Variants in NME7 observed in about 807,000 individuals in gnomAD.
The protein encoded by NME7 is NME/NM23 family member 7, also known as nucleoside diphosphate kinase 7.
Under a neutral mutation model 49.1 loss-of-function variants are expected in NME7, and 41 were observed. The observed-to-expected ratio is 0.83, with a 90% CI of 0.65 to 1.08. The LOEUF (loss-of-function observed/expected upper bound fraction) is 1.08. Ranked by LOEUF, NME7 falls within the 50% of genes least tolerant of loss-of-function variation. NME7 has a pLI of 0.00. For synonymous variants in NME7, 139 were observed against 150.6 expected (o/e 0.92, Z 0.56); for missense variants, 423 against 463.4 (o/e 0.91, Z 0.80).
At chr1:169,244,586 A>C (rs943465832) in intron 7 of NME7, among the ~76,000 whole-genome samples, 10 of 148,190 alleles carry the variant, frequency 6.7e-5, no homozygotes. Flanking sequence ...CAGTGAGCCG[A>C]GATTGCACCA....
At chr1:169,235,691 T>A (rs1222776797) in intron 8 of NME7, among the ~76,000 whole-genome samples, 1 of 152,112 alleles carries the variant, frequency 6.6e-6, no homozygotes. Context: ...AGAAAAGTAG[T>A]TCAGACTTTT....
chr1:169,279,788 C>G (rs910361273), intron 7 of NME7, among the ~76,000 whole-genome samples: 1 of 152,226 alleles, frequency 6.6e-6, no homozygotes, highest in African/African-American at 2.4e-5. Flanking sequence ...GTCACTCACA[C>G]TGGGAGCTGT....
intron 3 of NME7, among the ~76,000 whole-genome samples, chr1:169,310,427 G>T (rs1019304370): frequency 6.6e-6 from 1 of 151,974 alleles, no homozygotes; most frequent in African/African-American, 2.4e-5. Context: ...CTAAAACATT[G>T]CATTAAATAT....
At chr1:169,312,748 G>C (rs1050282814) in intron 3 of NME7, among the ~76,000 whole-genome samples, 2 of 152,164 alleles carry the variant, frequency 1.3e-5, no homozygotes, top group South Asian at 2.1e-4. Flanking sequence ...AGACAGTATA[G>C]TGCTATTGCT....
intron 10 of NME7, among the ~76,000 whole-genome samples, chr1:169,172,510 C>A (rs1331178552): frequency 3.3e-5 from 5 of 152,152 alleles, no homozygotes. Context: ...ATCTTCATGA[C>A]ACTTCATCTT....
intron 7 of NME7, among the ~76,000 whole-genome samples, chr1:169,240,089 T>TC (rs1031113995): frequency 4.1e-4 from 63 of 152,104 alleles, no homozygotes; most frequent in African/African-American, 1.4e-3. Context: ...TATTCTCCTT[T>TC]ACTTGACAAG....
At chr1:169,259,885 A>T (rs1214186532) in intron 7 of NME7, among the ~76,000 whole-genome samples, 2 of 133,606 alleles carry the variant, frequency 1.5e-5, no homozygotes, top group African/African-American at 5.1e-5. Context: ...ATTTTTAAGC[A>T]CACTAGAGTC....
intron 11 of NME7, among the ~76,000 whole-genome samples, chr1:169,164,059 G>A (rs1659329363): frequency 6.7e-6 from 1 of 150,218 alleles, no homozygotes; most frequent in South Asian, 2.1e-4. Flanking sequence ...GCAGTGAGTC[G>A]AGACTGCACC....
In NME7 at chr1:169,238,590, C is replaced by T. The variant is rs74125219; in HGVS notation, c.755-903G>A. On this transcript the variant is annotated intron_variant, in intron 7 of 11. Coordinates refer to ENST00000367811, the MANE Select transcript of NME7 (RefSeq NM_013330.5). ...TACTATTAGTGTCTGAATGTGCATTCGTATTTACTATCTTACCATAGCCAA... is the reference window on the plus strand; with the variant it reads ...TACTATTAGTGTCTGAATGTGCATTTGTATTTACTATCTTACCATAGCCAA... 6.4e-3 allele frequency among the ~76,000 whole-genome samples: 975 copies of T among 151,488 alleles called. 9 individuals carry two copies. Among genetic ancestry groups the T allele is most frequent in the African/African-American group, 0.022 (926 of 41,344 alleles).
intron 10 of NME7, among the ~76,000 whole-genome samples, chr1:169,192,620 T>C (rs79544856): frequency 0.012 from 1,851 of 152,186 alleles, 42 homozygotes; most frequent in African/African-American, 0.043. Flanking sequence ...AAAGGGAGTA[T>C]GGTAATACTC....
intron 11 of NME7, among the ~76,000 whole-genome samples, chr1:169,159,386 G>A (rs1186513530): frequency 6.6e-6 from 1 of 152,140 alleles, no homozygotes; most frequent in East Asian, 1.9e-4. Flanking sequence ...CAAATTATGG[G>A]GCGGAAAAAT....
intron 11 of NME7, chr1:169,169,054 C>A (rs1433274462): frequency 4.4e-6 from 2 of 459,204 alleles, no homozygotes; most frequent in Non-Finnish European, 8.5e-6. Flanking sequence ...ATTTTAAAAT[C>A]AAAATGTATG....
At chr1:169,153,146 T>C (rs990718433) in intron 11 of NME7, among the ~76,000 whole-genome samples, 1 of 152,114 alleles carries the variant, frequency 6.6e-6, no homozygotes, top group Non-Finnish European at 1.5e-5. Context: ...GGCCAAGTCA[T>C]TTCACCTATG....
At chr1:169,175,122 T>C (rs1248006316) in intron 10 of NME7, among the ~76,000 whole-genome samples, 1 of 152,238 alleles carries the variant, frequency 6.6e-6, no homozygotes, top group African/African-American at 2.4e-5. Context: ...TTCTATTTTT[T>C]AAGTTTTTTT....
chr1:169,303,967 A>C (rs73034683), intron 4 of NME7, among the ~76,000 whole-genome samples: 3,871 of 152,252 alleles, frequency 0.025, 139 homozygotes, highest in African/African-American at 0.086. Context: ...TTTCTTAGCT[A>C]GGTCTCTCCA....
intron 1 of NME7, among the ~76,000 whole-genome samples, chr1:169,342,649 C>T (rs867146808): frequency 2.3e-5 from 1 of 43,374 alleles, no homozygotes; most frequent in Non-Finnish European, 4.1e-5. Context: ...TATATATATA[C>T]AAGTACATAT....
intron 10 of NME7, among the ~76,000 whole-genome samples, chr1:169,220,675 T>C (rs1557993833): frequency 6.6e-6 from 1 of 152,202 alleles, no homozygotes; most frequent in Non-Finnish European, 1.5e-5. Context: ...ACTTTTTTTA[T>C]ATATACTCAC....
At chr1:169,347,402 G>C (rs1328646514) in intron 1 of NME7, among the ~76,000 whole-genome samples, 3 of 152,062 alleles carry the variant, frequency 2.0e-5, no homozygotes, top group Non-Finnish European at 4.4e-5. Flanking sequence ...TAGACAAAAA[G>C]TATAAAGCTT....
chr1:169,155,691 T>C (rs1349792138), intron 11 of NME7, among the ~76,000 whole-genome samples: 2 of 152,190 alleles, frequency 1.3e-5, no homozygotes, highest in African/African-American at 2.4e-5. Flanking sequence ...ATTTTTCTAA[T>C]GTCTTCATTT....
Sources: gnomAD v4.1 joint callset for allele counts (sites outside exome capture counted in the v4.1 genomes callset) on GRCh38, gnomAD v4.1.1 for gene constraint, MANE v1.5 for transcripts, NCBI Gene and HGNC (gene_info 2026-07-23, HGNC 2026-07-21) for gene names.